The following AGBL4 variants were observed in gnomAD, a reference collection of about 807,000 sequenced individuals.
AGBL4 encodes the protein AGBL carboxypeptidase 4, also known as cytosolic carboxypeptidase 6.
AGBL4 carries 58 observed loss-of-function variants against 66.4 expected under a neutral mutation model. The observed-to-expected ratio is 0.87, with a 90% CI of 0.71 to 1.09. The LOEUF is 1.09. AGBL4 is among the 50% of genes least tolerant of loss of function. The pLI, the probability that AGBL4 is intolerant of heterozygous loss-of-function variation, is 0.00. For missense variants in AGBL4, 579 were observed against 631.0 expected (o/e 0.92, Z 0.88); for synonymous variants, 234 against 222.9 (o/e 1.05, Z -0.44).
chr1:49,082,262 C>T (rs1644822393), intron 4 of AGBL4, among the ~76,000 whole-genome samples: 1 of 152,056 alleles, frequency 6.6e-6, no homozygotes, highest in Admixed American at 6.6e-5. Flanking sequence ...AAAGGCAAGC[C>T]CTTAGTCTCA....
At chr1:48,993,523 C>T (rs1480483777) in intron 5 of AGBL4, among the ~76,000 whole-genome samples, 2 of 152,234 alleles carry the variant, frequency 1.3e-5, no homozygotes, top group Non-Finnish European at 2.9e-5. Context: ...CTGGCTGATG[C>T]CCCTCAAGTT....
At chr1:49,663,413 T>C (rs1436290763) in intron 3 of AGBL4, among the ~76,000 whole-genome samples, 2 of 152,184 alleles carry the variant, frequency 1.3e-5, no homozygotes, top group Non-Finnish European at 2.9e-5. Flanking sequence ...TTCAACTTTT[T>C]ATTTACCTCT....
intron 2 of AGBL4, chr1:49,845,802 G>T (rs1171011715): frequency 4.5e-6 from 7 of 1,550,448 alleles, no homozygotes; most frequent in Non-Finnish European, 6.2e-6. Context: ...TTAGCCAGCA[G>T]GAGCGGATGC....
chr1:49,487,750 T>C (rs1647099878), intron 3 of AGBL4, among the ~76,000 whole-genome samples: 1 of 151,958 alleles, frequency 6.6e-6, no homozygotes, highest in African/African-American at 2.4e-5. Context: ...CATTATCATC[T>C]TATTTTAAAA....
intron 4 of AGBL4, among the ~76,000 whole-genome samples, chr1:49,117,382 GA>G (rs1405664995): frequency 6.6e-6 from 1 of 152,102 alleles, no homozygotes; most frequent in Non-Finnish European, 1.5e-5. Context: ...AATCCATCTT[GA>G]ATTAATTTTT....
chr1:49,604,541 C>T (rs1274047624), intron 3 of AGBL4, among the ~76,000 whole-genome samples: 1 of 152,088 alleles, frequency 6.6e-6, no homozygotes, highest in Non-Finnish European at 1.5e-5. Context: ...ACTTTGATGA[C>T]TATTTATTTT....
At chr1:48,531,503 TGGG>T (rs1442436293), downstream of AGBL4, among the ~76,000 whole-genome samples, 3 of 152,168 alleles carry the variant, frequency 2.0e-5, no homozygotes, top group Non-Finnish European at 4.4e-5. Flanking sequence ...CCTGTGGTGA[TGGG>T]GAGTTCATGG....
At chr1:49,151,017 C>T (rs1646317982) in intron 4 of AGBL4, among the ~76,000 whole-genome samples, 1 of 151,888 alleles carries the variant, frequency 6.6e-6, no homozygotes, top group Non-Finnish European at 1.5e-5. Context: ...GTCTGTAATC[C>T]CAGCACTTTG....
chr1:48,565,527 GT>G (rs886242996), intron 11 of AGBL4, among the ~76,000 whole-genome samples: 2 of 152,038 alleles, frequency 1.3e-5, no homozygotes, highest in Non-Finnish European at 2.9e-5. Context: ...TCAACTTCTT[GT>G]TTTTTTCTTT....
intron 6 of AGBL4, among the ~76,000 whole-genome samples, chr1:48,751,912 T>A (rs895455715): frequency 4.6e-5 from 7 of 152,194 alleles, no homozygotes; most frequent in African/African-American, 1.7e-4. Flanking sequence ...TAAAATAATC[T>A]GGGATTATTT....
At chr1:49,284,937 C>A (rs901596188) in intron 3 of AGBL4, among the ~76,000 whole-genome samples, 2 of 149,990 alleles carry the variant, frequency 1.3e-5, no homozygotes, top group South Asian at 2.2e-4. Flanking sequence ...GACTTTAACA[C>A]CCCACTGTCA....
At chr1:49,989,696 A>G (rs1467873813) in intron 1 of AGBL4, among the ~76,000 whole-genome samples, 2 of 152,218 alleles carry the variant, frequency 1.3e-5, no homozygotes, top group Non-Finnish European at 2.9e-5. Context: ...ATTTAAAAAG[A>G]TTAAATCAGC....
chr1:49,985,043 C>T (rs1659383392), intron 1 of AGBL4, among the ~76,000 whole-genome samples: 1 of 152,116 alleles, frequency 6.6e-6, no homozygotes, highest in African/African-American at 2.4e-5. Context: ...GCACTTCTTG[C>T]CCAACTACAG....
At chr1:49,229,643 A>C (rs1650160876) in intron 4 of AGBL4, among the ~76,000 whole-genome samples, 1 of 152,240 alleles carries the variant, frequency 6.6e-6, no homozygotes, top group African/African-American at 2.4e-5. Flanking sequence ...ATTGAATTCA[A>C]AAAAAGACTT....
At chr1:48,593,720 C>T (rs1644952145) in intron 9 of AGBL4, among the ~76,000 whole-genome samples, 1 of 152,006 alleles carries the variant, frequency 6.6e-6, no homozygotes, top group Admixed American at 6.5e-5. Context: ...CATTGCACTC[C>T]AGCCTGGGCG....
chr1:48,895,820 A>T (rs1651450917), intron 5 of AGBL4, among the ~76,000 whole-genome samples: 1 of 152,212 alleles, frequency 6.6e-6, no homozygotes, highest in South Asian at 2.1e-4. Flanking sequence ...GGATAAGAGA[A>T]GGCAAAGGAC....
At chr1:49,478,318 A>G (rs1430649219) in intron 3 of AGBL4, among the ~76,000 whole-genome samples, 2 of 152,036 alleles carry the variant, frequency 1.3e-5, no homozygotes, top group Non-Finnish European at 1.5e-5. Context: ...AAGAGGAGCC[A>G]AAAGAAGAAG....
intron 5 of AGBL4, among the ~76,000 whole-genome samples, chr1:48,968,613 T>C (rs1346487426): frequency 1.3e-5 from 2 of 152,138 alleles, no homozygotes; most frequent in Admixed American, 6.6e-5. Flanking sequence ...ATGTCTAAAC[T>C]GTTCATTCTA....
chr1:49,735,898 A>C (rs972779192), intron 2 of AGBL4, among the ~76,000 whole-genome samples: 1 of 152,158 alleles, frequency 6.6e-6, no homozygotes, highest in Admixed American at 6.6e-5. Flanking sequence ...ACTTAATTGA[A>C]AAACAAAAAT....
Sources: allele counts gnomAD v4.1 joint callset (sites outside exome capture counted in the v4.1 genomes callset), GRCh38; gene constraint gnomAD v4.1.1; transcripts MANE v1.5; gene names NCBI Gene and HGNC (gene_info 2026-07-23, HGNC 2026-07-21).